The following ARID4B variants were observed in gnomAD, a reference collection of about 807,000 sequenced individuals.
ARID4B encodes the protein AT-rich interactive domain-containing protein 4B.
A neutral mutation model predicts 147.5 loss-of-function variants in ARID4B; 26 were observed. That is an observed-to-expected ratio of 0.18 (90% confidence interval 0.13 to 0.24). The LOEUF is 0.24. Ranked by LOEUF, ARID4B falls within the 10% of genes least tolerant of loss-of-function variation. The probability of loss-of-function intolerance (pLI) is 1.00; values close to 1 mark genes in which losing one functional copy is unlikely to be tolerated. For synonymous variants in ARID4B, 512 were observed against 507.9 expected (o/e 1.01, Z -0.11); for missense variants, 1,179 against 1,511.5 (o/e 0.78, Z 3.65).
At chr1:235,324,067 A>G (rs950432514) in intron 2 of ARID4B, among the ~76,000 whole-genome samples, 15 of 151,820 alleles carry the variant, frequency 9.9e-5, no homozygotes, top group Non-Finnish European at 4.4e-5. Flanking sequence ...CACCATGCCC[A>G]GCTAATTTTG....
At chr1:235,208,186 T>G (rs374204388) in intron 17 of ARID4B, among the ~76,000 whole-genome samples, 1 of 152,254 alleles carries the variant, frequency 6.6e-6, no homozygotes, top group African/African-American at 2.4e-5. Context: ...TTAGTCTAGA[T>G]AGTTTCACTC....
chr1:235,298,509 T>C (rs569375063), intron 2 of ARID4B, among the ~76,000 whole-genome samples: 22 of 148,600 alleles, frequency 1.5e-4, no homozygotes, highest in African/African-American at 4.9e-4. Flanking sequence ...TCCATATATA[T>C]GAATATAACG....
chr1:235,193,946 C>A, intron 19 of ARID4B, 67 bp downstream of exon 19: 1 of 1,270,138 alleles, frequency 7.9e-7, no homozygotes, highest in Non-Finnish European at 1.1e-6. Context: ...CACTGAATTA[C>A]CTTTATAGAA....
chr1:235,266,503 A>G (rs1214229881), intron 2 of ARID4B, among the ~76,000 whole-genome samples: 4 of 152,212 alleles, frequency 2.6e-5, no homozygotes, highest in Non-Finnish European at 5.9e-5. Context: ...CTGGTTGTCA[A>G]GGCAACAGCT....
chr1:235,219,510 T>C (rs957943025), intron 16 of ARID4B, among the ~76,000 whole-genome samples: 1 of 152,204 alleles, frequency 6.6e-6, no homozygotes, highest in Non-Finnish European at 1.5e-5. Flanking sequence ...GTTTATATTA[T>C]CAAGTAATTC....
intron 16 of ARID4B, among the ~76,000 whole-genome samples, chr1:235,215,561 GTGTGTGTGTGTGTGTGTGTA>G (rs1667009890): frequency 6.8e-6 from 1 of 146,998 alleles, no homozygotes; most frequent in Admixed American, 6.8e-5. Flanking sequence ...GTGTGTGTGT[GTGTGTGTGTGTGTGTGTGTA>G]TATATTTTTC....
intron 16 of ARID4B, 26 bp downstream of exon 16, chr1:235,219,767 A>G (rs1419310262): frequency 2.6e-6 from 4 of 1,561,110 alleles, no homozygotes; most frequent in Non-Finnish European, 3.5e-6. Context: ...GCTGAAATGC[A>G]TCGTAACCAA....
At chr1:235,269,888 CTATT>C (rs1405646440) in intron 2 of ARID4B, among the ~76,000 whole-genome samples, 1 of 151,894 alleles carries the variant, frequency 6.6e-6, no homozygotes, top group Non-Finnish European at 1.5e-5. Context: ...TATTAATTAT[CTATT>C]TATATTATTT....
At chr1:235,240,273 A>C (rs372717384) in intron 8 of ARID4B, 40 bp downstream of exon 8, 1 of 1,543,332 alleles carries the variant, frequency 6.5e-7, no homozygotes, top group South Asian at 1.2e-5. Context: ...ATAAACTTAT[A>C]AAGTTTGAAA....
chr1:235,231,594 C>A (rs1668239591), intron 9 of ARID4B, among the ~76,000 whole-genome samples: 1 of 152,164 alleles, frequency 6.6e-6, no homozygotes, highest in Non-Finnish European at 1.5e-5. Flanking sequence ...TCAAGCGATT[C>A]TTCTGCCTCA....
At chr1:235,260,905 A>T (rs1032992165) in intron 2 of ARID4B, among the ~76,000 whole-genome samples, 153 bp from the exon 3 acceptor site, 1 of 152,242 alleles carries the variant, frequency 6.6e-6, no homozygotes, top group African/African-American at 2.4e-5. Flanking sequence ...CTATAAATTA[A>T]AAAACAAGTA....
At chr1:235,306,035 T>G (rs527890732) in intron 2 of ARID4B, among the ~76,000 whole-genome samples, 1 of 152,174 alleles carries the variant, frequency 6.6e-6, no homozygotes, top group Admixed American at 6.5e-5. Context: ...AGTGGCAAAA[T>G]TATCATATGA....
chr1:235,282,506 T>A (rs1473090412), intron 2 of ARID4B, among the ~76,000 whole-genome samples: 1 of 152,190 alleles, frequency 6.6e-6, no homozygotes, highest in Non-Finnish European at 1.5e-5. Flanking sequence ...CAAGGTGCCA[T>A]GGACAATGGG....
intron 2 of ARID4B, among the ~76,000 whole-genome samples, chr1:235,314,799 T>A (rs1037725449): frequency 6.6e-6 from 1 of 152,122 alleles, no homozygotes; most frequent in South Asian, 2.1e-4. Context: ...CGTATTTATA[T>A]ATATTTCGGT....
chr1:235,327,050 A>G (rs1675327692), intron 1 of ARID4B, 82 bp from the exon 2 acceptor site: 1 of 966,156 alleles, frequency 1.0e-6, no homozygotes, highest in Non-Finnish European at 1.6e-6. Context: ...GAAGCGAGCG[A>G]CGTCCGAACC....
intron 2 of ARID4B, chr1:235,326,683 G>T (rs1572254042): frequency 2.0e-5 from 11 of 548,568 alleles, no homozygotes; most frequent in Non-Finnish European, 3.3e-5. Context: ...TACAAAAAGA[G>T]ATGTTCAATA....
At chr1:235,233,895 A>T (rs1030348072) in intron 9 of ARID4B, among the ~76,000 whole-genome samples, 1 of 152,172 alleles carries the variant, frequency 6.6e-6, no homozygotes. Context: ...CCTGGACAAC[A>T]CAGTGAATCC....
intron 7 of ARID4B, among the ~76,000 whole-genome samples, chr1:235,242,894 T>A (rs1669079675): frequency 6.6e-6 from 1 of 152,176 alleles, no homozygotes; most frequent in Non-Finnish European, 1.5e-5. Context: ...TATTCAAATT[T>A]ACAGTCCCTG....
intron 8 of ARID4B, among the ~76,000 whole-genome samples, chr1:235,238,153 A>AAAAAAAAAAG (rs61179792): frequency 0.027 from 3,758 of 141,454 alleles, 209 homozygotes; most frequent in African/African-American, 0.1. Flanking sequence ...CAAAAAAAAA[A>AAAAAAAAAAG]AAAAGAAAAG....
Sources: gnomAD v4.1 joint callset for allele counts (sites outside exome capture counted in the v4.1 genomes callset) on GRCh38, gnomAD v4.1.1 for gene constraint, MANE v1.5 for transcripts, NCBI Gene and HGNC (gene_info 2026-07-23, HGNC 2026-07-21) for gene names.